The following KIFC3 variants were observed in gnomAD, a reference collection of about 807,000 sequenced individuals.
The protein encoded by KIFC3 is kinesin-like protein KIFC3.
In KIFC3, 60 loss-of-function variants were observed where a neutral mutation model predicts 101.8. The observed-to-expected ratio is 0.59, with a 90% confidence interval of 0.48 to 0.73. KIFC3 has a LOEUF of 0.73. Among genes scored for constraint, KIFC3 ranks in the 30% least tolerant of loss-of-function variants. KIFC3 has a pLI of 0.00. For synonymous variants in KIFC3, 476 were observed against 482.7 expected, an observed-to-expected ratio of 0.99 and a Z score of 0.18; for missense variants, 966 against 1,137.1, an observed-to-expected ratio of 0.85 and a Z score of 2.16.
chr16:57,843,009 T>G (rs1181384885), intron 1 of KIFC3, among the ~76,000 whole-genome samples: 1 of 152,050 alleles, frequency 6.6e-6, no homozygotes, highest in Non-Finnish European at 1.5e-5. Context: ...GGTGCAAGCC[T>G]GTAATCCCAG....
At chr16:57,763,153 G>A (rs990414149) in intron 12 of KIFC3, among the ~76,000 whole-genome samples, 44 of 152,306 alleles carry the variant, frequency 2.9e-4, no homozygotes, top group African/African-American at 8.9e-4. Context: ...CCTGTGGGGA[G>A]GGCCCTCTGT....
chr16:57,822,683 C>A (rs1236688024), intron 1 of KIFC3, among the ~76,000 whole-genome samples: 3 of 151,936 alleles, frequency 2.0e-5, no homozygotes, highest in African/African-American at 7.3e-5. Flanking sequence ...GGCGACAGAG[C>A]AAGACTCCAT....
intron 13 of KIFC3, among the ~76,000 whole-genome samples, chr16:57,761,749 C>T (rs570107746): frequency 3.3e-5 from 5 of 152,260 alleles, no homozygotes; most frequent in African/African-American, 9.6e-5. Flanking sequence ...GTTGGCAGGG[C>T]CCCTAGCTGC....
chr16:57,803,560 C>T, upstream of KIFC3: 2 of 361,966 alleles, frequency 5.5e-6, no homozygotes, highest in Admixed American at 3.6e-5. Flanking sequence ...CAGGTGGGTT[C>T]TATCTCCTGC....
At chr16:57,760,508 C>T (rs1266768868) in intron 16 of KIFC3, 92 bp from the exon 17 acceptor site, 2 of 1,468,486 alleles carry the variant, frequency 1.4e-6, no homozygotes, top group Non-Finnish European at 1.9e-6. Context: ...CGTCAGAAGG[C>T]TTCCTGGAGA....
At chr16:57,775,026 G>A in intron 3 of KIFC3, 2 of 1,531,862 alleles carry the variant, frequency 1.3e-6, no homozygotes, top group Non-Finnish European at 1.7e-6. Context: ...AGACCCTGAT[G>A]CAGGGAGAGT....
upstream of KIFC3, chr16:57,807,972 A>G (rs2054980499): frequency 6.8e-6 from 1 of 146,936 alleles, no homozygotes; most frequent in Admixed American, 6.8e-5. Flanking sequence ...TTCTAAGAGG[A>G]CTAGAAAATA....
intron 2 of KIFC3, chr16:57,797,680 G>A (rs1303271188): frequency 5.3e-6 from 6 of 1,127,082 alleles, no homozygotes; most frequent in Non-Finnish European, 6.5e-6. Flanking sequence ...GCGGCGCTTG[G>A]TGCCCAGGCA....
At chr16:57,808,238 A>G (rs1011896882), upstream of KIFC3, among the ~76,000 whole-genome samples, 1 of 152,146 alleles carries the variant, frequency 6.6e-6, no homozygotes, top group Admixed American at 6.5e-5. Flanking sequence ...GCAAACATTG[A>G]GGAGATAATG....
chr16:57,813,607 T>A (rs1439781317), intron 1 of KIFC3: 3 of 872,074 alleles, frequency 3.4e-6, no homozygotes, highest in Admixed American at 1.2e-4. Flanking sequence ...GGGTCAAACC[T>A]GCATGCCTGC....
At chr16:57,847,266 GGA>G (rs1216166701) in intron 1 of KIFC3, among the ~76,000 whole-genome samples, 1,463 of 72,372 alleles carry the variant, frequency 0.02, 48 homozygotes, top group South Asian at 0.034. Context: ...AAGGAAGGAA[GGA>G]AGGGAAGGGA....
chr16:57,768,540 C>CACACACACACACACACACACAA (rs1567960344), intron 9 of KIFC3, among the ~76,000 whole-genome samples: 1 of 152,104 alleles, frequency 6.6e-6, no homozygotes, highest in South Asian at 2.1e-4. Context: ...CACACACGCA[C>CACACACACACACACACACACAA]AATTGGCTTA....
intron 1 of KIFC3, among the ~76,000 whole-genome samples, chr16:57,819,567 T>A (rs1481888674): frequency 2.6e-5 from 4 of 152,126 alleles, no homozygotes; most frequent in African/African-American, 9.7e-5. Flanking sequence ...TTTATTTATT[T>A]ATTTATTTAT....
Position 57,764,165 on chromosome 16 carries a change from G to C in KIFC3, c.1595C>G (p.Ala532Gly). The C allele has an allele frequency of 6.2e-7, 1 of 1,612,742 alleles. No homozygotes were observed. Among genetic ancestry groups the C allele is most frequent in the Non-Finnish European group, 8.5e-7 (1 of 1,179,820 alleles). Reference sequence around the variant, plus strand: ...CACCTCCATCGTGTACGTCTTGCCGGCGCCCGTCTGGCCGTACGCAAAGAT... The same window carrying C: ...CACCTCCATCGTGTACGTCTTGCCGCCGCCCGTCTGGCCGTACGCAAAGAT... The part of the protein sequence containing the change: ...VCIFAYGQTG[A>G]GKTYTMEGTA... The change falls in exon 12 of 20, where the codon GCC (alanine) becomes GGC (glycine). Residue 532 changes from alanine (A) to glycine (G), a missense_variant. Ala to Gly is a moderately conservative substitution (Grantham distance 60). Coordinates refer to ENST00000445690, the MANE Select transcript of KIFC3 (RefSeq NM_001130100.2).
intron 7 of KIFC3, among the ~76,000 whole-genome samples, 172 bp downstream of exon 7, chr16:57,770,355 T>G (rs1597953717): frequency 6.6e-6 from 1 of 152,216 alleles, no homozygotes. Context: ...CGTGTTATAA[T>G]AGATGAGGAA....
chr16:57,775,712 T>C lies in KIFC3; in HGVS notation c.316-3424A>G, dbSNP rs1020023667. On this transcript the variant is annotated intron_variant, in intron 3 of 19. Coordinates refer to ENST00000445690, the MANE Select transcript of KIFC3 (RefSeq NM_001130100.2). ...CGAGTGCCACCCTGGGCCCGATACA[T>C]ACTTGTGGCCACAAAGGGGCAGCAG... The C allele has an allele frequency of 2.1e-5, 21 of 985,312 alleles. No homozygotes were observed. The African/African-American group carries it at 3.1e-4, about 15-fold the overall frequency. The allele number at this position is 985,312 out of a possible 1,614,324, so 61.0% of individuals were successfully genotyped here. A position where few individuals can be genotyped will look rare whatever the true frequency, so the allele number is the denominator to read the frequency against.
At chr16:57,759,365 G>C in intron 18 of KIFC3, 1 of 619,986 alleles carries the variant, frequency 1.6e-6, no homozygotes, top group Non-Finnish European at 2.8e-6. Flanking sequence ...CTACCCCCGG[G>C]GCAGCTGAGG....
intron 3 of KIFC3, chr16:57,774,688 A>C: frequency 2.6e-5 from 8 of 307,182 alleles, no homozygotes; most frequent in East Asian, 4.9e-5. Flanking sequence ...ACGCCCGGCT[A>C]ATTTTTTTTT....
chr16:57,847,274 AGGGAG>A (rs1461087223), intron 1 of KIFC3, among the ~76,000 whole-genome samples: 2 of 44,332 alleles, frequency 4.5e-5, no homozygotes, highest in African/African-American at 1.8e-4. Flanking sequence ...AAGGAAGGGA[AGGGAG>A]GGAGGGAGAG....
Sources: allele counts gnomAD v4.1 joint callset (sites outside exome capture counted in the v4.1 genomes callset), GRCh38; gene constraint gnomAD v4.1.1; transcripts MANE v1.5; gene names NCBI Gene and HGNC (gene_info 2026-07-23, HGNC 2026-07-21).